Variants in SUDS3 observed in about 807,000 individuals in gnomAD.
The protein encoded by SUDS3 is sin3 histone deacetylase corepressor complex component SDS3.
In SUDS3, 23 loss-of-function variants were observed where a neutral mutation model predicts 53.5. The observed-to-expected ratio is 0.43, with a 90% CI of 0.31 to 0.61. The LOEUF is 0.61. Ranked by LOEUF, SUDS3 falls within the 20% of genes least tolerant of loss-of-function variation. The pLI, the probability that SUDS3 is intolerant of heterozygous loss-of-function variation, is 0.10. For missense variants in SUDS3, 291 were observed against 405.9 expected (o/e 0.72, Z 2.43); for synonymous variants, 150 against 148.5 (o/e 1.01, Z -0.08).
At chr12:118,395,190 C>G (rs1388229558) in intron 6 of SUDS3, among the ~76,000 whole-genome samples, 1 of 143,066 alleles carries the variant, frequency 7.0e-6, no homozygotes, top group Non-Finnish European at 1.5e-5. Context: ...GATGTTCTTT[C>G]CTGGTGCTGG....
At chr12:118,405,468 T>C (rs987517675) in intron 10 of SUDS3, among the ~76,000 whole-genome samples, 3 of 152,254 alleles carry the variant, frequency 2.0e-5, no homozygotes, top group African/African-American at 4.8e-5. Flanking sequence ...TCAGATTTGA[T>C]GTGTTAGAAC....
At position 118,380,163 on chromosome 12, in the gene SUDS3, C is replaced by T; in HGVS notation, c.144C>T (p.Asp48=). 1 of 1,605,776 alleles carries T rather than the reference C, an allele frequency of 6.2e-7. No individual in the cohort carries two copies. Among genetic ancestry groups the T allele is most frequent in the Non-Finnish European group, 8.5e-7 (1 of 1,175,854 alleles). The change falls in exon 2 of 12, where the codon GAC becomes GAT. Residue 48 remains aspartate (D), a splice_region_variant and synonymous_variant. Coordinates refer to ENST00000543473, the MANE Select transcript of SUDS3 (RefSeq NM_022491.3). The part of the protein sequence containing the change: ...RSCRGRESDE[D]TEDASETDLA... ...CCCCTATTTCCTAACTTTATTCAGA[C>T]ACTGAGGATGCTAGTGAAACTGACC...
chr12:118,382,559 G>GT (rs2046075979), intron 2 of SUDS3, among the ~76,000 whole-genome samples: 1 of 151,854 alleles, frequency 6.6e-6, no homozygotes, highest in African/African-American at 2.4e-5. Context: ...TAGAAACTAG[G>GT]TCTCACTGTG....
intron 11 of SUDS3, among the ~76,000 whole-genome samples, chr12:118,412,341 C>A (rs986364362): frequency 1.3e-5 from 2 of 152,230 alleles, no homozygotes; most frequent in East Asian, 3.8e-4. Context: ...GTAACTTATT[C>A]GTGCCAGTGC....
intron 10 of SUDS3, among the ~76,000 whole-genome samples, chr12:118,407,303 G>A (rs2046316894): frequency 6.6e-6 from 1 of 152,186 alleles, no homozygotes; most frequent in Non-Finnish European, 1.5e-5. Context: ...AGGATCCCTT[G>A]AAGGTCTCAG....
At chr12:118,392,998 T>C (rs1593764451) in intron 6 of SUDS3, among the ~76,000 whole-genome samples, 1 of 152,294 alleles carries the variant, frequency 6.6e-6, no homozygotes, top group South Asian at 2.1e-4. Context: ...TGTAACGCAA[T>C]AAAATAGATT....
At chr12:118,393,707 GT>G (rs2046188558) in intron 6 of SUDS3, among the ~76,000 whole-genome samples, 1 of 148,262 alleles carries the variant, frequency 6.7e-6, no homozygotes, top group East Asian at 2.0e-4. Flanking sequence ...GTCTTGCTCT[GT>G]CGCCCAGGCT....
At position 118,417,488 on chromosome 12, in the gene SUDS3, T is replaced by C. The variant is rs1010567523; in HGVS notation, c.*3055T>C. The C allele has an allele frequency of 6.6e-6, 1 of 152,194 alleles. No individual in the cohort carries two copies. The highest frequency in any genetic ancestry group is 1.9e-4 in the East Asian group (1 of 5,188). 9.4% of individuals were successfully genotyped at this position (152,194 alleles called of 1,614,324 possible). A position where few individuals can be genotyped will look rare whatever the true frequency, so the allele number is the denominator to read the frequency against. On this transcript the variant is annotated 3_prime_UTR_variant, in exon 12 of 12. Transcript: ENST00000543473. ...ATTTCCTCCTGATTAATTTTTTTTT[T>C]CTCATCTGGGAATTTGAAATCTCGG...
At chr12:118,387,797 C>T (rs944481789) in intron 4 of SUDS3, among the ~76,000 whole-genome samples, 6 of 152,120 alleles carry the variant, frequency 3.9e-5, no homozygotes, top group East Asian at 1.9e-4. Flanking sequence ...GTGATCCGCC[C>T]GGCTCGCCTT....
chr12:118,396,780 A>G (rs569339305), intron 6 of SUDS3, among the ~76,000 whole-genome samples: 1 of 152,314 alleles, frequency 6.6e-6, no homozygotes, highest in Admixed American at 6.5e-5. Context: ...ATTGCAGGTA[A>G]TTAATTTATC....
At chr12:118,382,609 C>G (rs931256781) in intron 2 of SUDS3, among the ~76,000 whole-genome samples, 1 of 151,664 alleles carries the variant, frequency 6.6e-6, no homozygotes, top group Non-Finnish European at 1.5e-5. Flanking sequence ...TCAAGCATTC[C>G]TCCTGTTTCG....
intron 1 of SUDS3, among the ~76,000 whole-genome samples, chr12:118,377,443 G>T (rs2046009876): frequency 6.6e-6 from 1 of 152,060 alleles, no homozygotes; most frequent in Non-Finnish European, 1.5e-5. Context: ...CCTAGGGTCG[G>T]TATAGGGATT....
chr12:118,380,494 G>A (rs1488210164), intron 2 of SUDS3, among the ~76,000 whole-genome samples: 2 of 152,082 alleles, frequency 1.3e-5, no homozygotes, highest in African/African-American at 4.8e-5. Context: ...TTCAGATAAG[G>A]GATACTTAAT....
intron 1 of SUDS3, among the ~76,000 whole-genome samples, chr12:118,378,566 C>G (rs937706739): frequency 1.3e-5 from 2 of 151,760 alleles, no homozygotes; most frequent in Admixed American, 6.6e-5. Flanking sequence ...ACTGCAACTT[C>G]CATCTCCTGG....
intron 9 of SUDS3, 187 bp downstream of exon 9, chr12:118,402,191 A>G: frequency 1.7e-6 from 1 of 599,932 alleles, no homozygotes; most frequent in East Asian, 2.8e-5. Flanking sequence ...TTTTTTTCAT[A>G]ACCCCTGCTT....
At chr12:118,390,535 G>A (rs2046156132) in intron 5 of SUDS3, among the ~76,000 whole-genome samples, 1 of 152,096 alleles carries the variant, frequency 6.6e-6, no homozygotes, top group Admixed American at 6.5e-5. Flanking sequence ...AAATCAGTGT[G>A]GTGCCCATAG....
Position 118,411,174 on chromosome 12 carries a change from C to G in SUDS3, c.888+17C>G. 2.5e-6 allele frequency: 4 copies of G among 1,576,138 alleles called. No individual in the cohort carries two copies. Among genetic ancestry groups the G allele is most frequent in the Non-Finnish European group, 3.4e-6 (4 of 1,160,346 alleles). ...GCCAATGAGGTGGGAACCACACTCC[C>G]TCACCTTTAGGGAAGCAAAATGTGT... On this transcript the variant is annotated intron_variant, in intron 11 of 11. Coordinates refer to ENST00000543473, the MANE Select transcript of SUDS3 (RefSeq NM_022491.3).
At chr12:118,395,837 G>A (rs1041039436) in intron 6 of SUDS3, among the ~76,000 whole-genome samples, 2 of 152,072 alleles carry the variant, frequency 1.3e-5, no homozygotes. Flanking sequence ...GACTACAGGT[G>A]CGTGCCACCA....
intron 10 of SUDS3, among the ~76,000 whole-genome samples, chr12:118,410,034 C>T (rs886793311): frequency 1.3e-5 from 2 of 152,248 alleles, no homozygotes; most frequent in South Asian, 2.1e-4. Context: ...AAATTAGATA[C>T]CCTTTGGTAT....
Sources: gnomAD v4.1 joint callset for allele counts (sites outside exome capture counted in the v4.1 genomes callset) on GRCh38, gnomAD v4.1.1 for gene constraint, MANE v1.5 for transcripts, NCBI Gene and HGNC (gene_info 2026-07-23, HGNC 2026-07-21) for gene names.